The following COG3 variants were observed in gnomAD, a reference collection of about 807,000 sequenced individuals.
COG3 encodes the protein conserved oligomeric Golgi complex subunit 3.
A neutral mutation model predicts 114.1 loss-of-function variants in COG3; 32 were observed. The ratio of observed to expected loss-of-function variants is 0.28; its 90% CI spans 0.21 to 0.38. The LOEUF is 0.38. Among genes scored for constraint, COG3 ranks in the 10% least tolerant of loss-of-function variants. COG3 has a pLI of 1.00. For synonymous variants in COG3, 352 were observed against 365.7 expected (o/e 0.96, Z 0.43); for missense variants, 813 against 973.2 (o/e 0.84, Z 2.19).
chr13:45,483,888 CAAA>C (rs1295914051), intron 7 of COG3, among the ~76,000 whole-genome samples: 1 of 151,910 alleles, frequency 6.6e-6, no homozygotes, highest in Non-Finnish European at 1.5e-5. Context: ...TGTATAGAAA[CAAA>C]GAGGCGCTAA....
intron 14 of COG3, 65 bp downstream of exon 14, chr13:45,503,414 T>G: frequency 1.1e-6 from 1 of 886,224 alleles, no homozygotes; most frequent in Non-Finnish European, 1.9e-6. Context: ...TACTGAGGAC[T>G]TGTCCTGTCC....
chr13:45,498,609 G>A (rs1869115010), intron 13 of COG3, among the ~76,000 whole-genome samples: 1 of 151,904 alleles, frequency 6.6e-6, no homozygotes, highest in Non-Finnish European at 1.5e-5. Flanking sequence ...CACCCTTGTT[G>A]AAAATCAGTT....
intron 1 of COG3, 120 bp downstream of exon 1, chr13:45,465,330 A>T (rs889338715): frequency 2.8e-6 from 4 of 1,411,550 alleles, no homozygotes; most frequent in South Asian, 1.5e-5. Context: ...CTCCCTGGCC[A>T]TGGTGGCGGA....
At chr13:45,514,439 G>T (rs549116242) in intron 16 of COG3, among the ~76,000 whole-genome samples, 1 of 152,266 alleles carries the variant, frequency 6.6e-6, no homozygotes, top group South Asian at 2.1e-4. Flanking sequence ...GGGATTACAG[G>T]AGTGAGCCAC....
In COG3 at chr13:45,483,239, A is replaced by G; in HGVS notation, c.727A>G (p.Lys243Glu). Residue 243 changes from lysine to glutamate, a missense_variant, in exon 7 of 23, where the codon AAA becomes GAA. Lys to Glu is a moderately conservative substitution (Grantham distance 56, BLOSUM62 1). This residue lies in a region of COG3 where 424 missense variants were observed against 430.6 expected (regional missense o/e 0.98). Coordinates refer to ENST00000349995, the MANE Select transcript of COG3 (RefSeq NM_031431.4). ...ITYISSHPNFKDYPIYLLKFK... is the reference protein window; with the variant it reads ...ITYISSHPNFEDYPIYLLKFK... ...TCTCTTTTCCTTACAGCCTAATTTTAAAGATTATCCCATATATTTGCTGAA... is the reference window on the plus strand; with the variant it reads ...TCTCTTTTCCTTACAGCCTAATTTTGAAGATTATCCCATATATTTGCTGAA... 1 of 1,584,318 alleles carries G rather than the reference A, an allele frequency of 6.3e-7. No homozygotes were observed. The highest frequency in any genetic ancestry group is 1.1e-5 in the South Asian group (1 of 89,030).
At chr13:45,520,120 G>A (rs956250601) in intron 19 of COG3, among the ~76,000 whole-genome samples, 6 of 151,732 alleles carry the variant, frequency 4.0e-5, no homozygotes, top group East Asian at 1.9e-4. Flanking sequence ...AGACCTAGTC[G>A]CTACAAAAAA....
intron 13 of COG3, among the ~76,000 whole-genome samples, chr13:45,496,619 T>G (rs1868806774): frequency 6.6e-6 from 1 of 152,178 alleles, no homozygotes; most frequent in Non-Finnish European, 1.5e-5. Flanking sequence ...GAGATAAAAT[T>G]TAAAAGAATT....
chr13:45,496,066 C>T, intron 12 of COG3, 86 bp from the exon 13 acceptor site: 5 of 1,387,578 alleles, frequency 3.6e-6, no homozygotes, highest in Non-Finnish European at 3.9e-6. Flanking sequence ...CATACTGTTT[C>T]TGAACAATTT....
At chr13:45,476,148 G>C in intron 1 of COG3, 53 bp from the exon 2 acceptor site, 1 of 1,565,704 alleles carries the variant, frequency 6.4e-7, no homozygotes, top group Non-Finnish European at 8.7e-7. Context: ...CTTGAGTTAA[G>C]TTCAGAGAAT....
chr13:45,520,727 T>TA (rs1205410698), intron 19 of COG3, among the ~76,000 whole-genome samples: 3 of 152,108 alleles, frequency 2.0e-5, no homozygotes, highest in African/African-American at 7.2e-5. Flanking sequence ...ACAAAAGCCA[T>TA]AAAAAAGGAG....
At chr13:45,528,643 T>C (rs956793827) in intron 20 of COG3, among the ~76,000 whole-genome samples, 17 of 152,222 alleles carry the variant, frequency 1.1e-4, no homozygotes, top group African/African-American at 3.9e-4. Context: ...ATGTGGACTT[T>C]AAAAATGTTA....
At chr13:45,489,953 AAT>A (rs1320302851) in intron 8 of COG3, among the ~76,000 whole-genome samples, 6 of 152,182 alleles carry the variant, frequency 3.9e-5, no homozygotes, top group African/African-American at 1.4e-4. Flanking sequence ...TGTGGTACTT[AAT>A]ATATTAAGAA....
At chr13:45,508,160 A>G (rs538702011) in intron 14 of COG3, among the ~76,000 whole-genome samples, 9 of 147,866 alleles carry the variant, frequency 6.1e-5, no homozygotes, top group African/African-American at 2.2e-4. Flanking sequence ...AATCTGTGCT[A>G]TACAACCTAC....
At chr13:45,502,074 T>A (rs1593717182) in intron 13 of COG3, among the ~76,000 whole-genome samples, 1 of 152,174 alleles carries the variant, frequency 6.6e-6, no homozygotes, top group Admixed American at 6.5e-5. Flanking sequence ...GAATTATCTT[T>A]ATGTGTCTTG....
intron 19 of COG3, among the ~76,000 whole-genome samples, chr13:45,521,364 A>G (rs1226226043): frequency 6.6e-6 from 1 of 152,170 alleles, no homozygotes; most frequent in Non-Finnish European, 1.5e-5. Context: ...GTCTCATCCT[A>G]CGTGATCAGT....
intron 1 of COG3, among the ~76,000 whole-genome samples, chr13:45,474,158 T>C (rs1885703295): frequency 1.5e-5 from 2 of 134,868 alleles, no homozygotes; most frequent in Admixed American, 1.5e-4. Context: ...ACTCTTTTTT[T>C]TTTTTTTTTT....
chr13:45,471,498 A>G (rs141112375), intron 1 of COG3, among the ~76,000 whole-genome samples: 1 of 152,270 alleles, frequency 6.6e-6, no homozygotes, highest in African/African-American at 2.4e-5. Context: ...TTACTTTTAC[A>G]TATGTTATAA....
intron 8 of COG3, among the ~76,000 whole-genome samples, chr13:45,488,581 A>C (rs1311492241): frequency 6.6e-6 from 1 of 152,200 alleles, no homozygotes; most frequent in Non-Finnish European, 1.5e-5. Flanking sequence ...GGGAGGCCTC[A>C]TTACTAAGGA....
chr13:45,478,408 T>C (rs1886035316), intron 2 of COG3, among the ~76,000 whole-genome samples: 8 of 151,980 alleles, frequency 5.3e-5, no homozygotes, highest in Admixed American at 5.2e-4. Context: ...CTCTATCTCC[T>C]GACCTTGTGA....
Sources: allele counts gnomAD v4.1 joint callset (sites outside exome capture counted in the v4.1 genomes callset), GRCh38; gene constraint gnomAD v4.1.1; regional missense constraint gnomAD v4.1.1; transcripts MANE v1.5; gene names NCBI Gene and HGNC (gene_info 2026-07-23, HGNC 2026-07-21).